The following LMBR1 variants were observed in gnomAD, a reference collection of about 807,000 sequenced individuals.
LMBR1 encodes limb region 1 protein homolog.
A neutral mutation model predicts 73.9 loss-of-function variants in LMBR1; 52 were observed. The observed-to-expected ratio is 0.70, with a 90% CI of 0.56 to 0.89. LMBR1 has a LOEUF of 0.89. Among genes scored for constraint, LMBR1 ranks in the 40% least tolerant of loss-of-function variants. The probability of loss-of-function intolerance (pLI) is 0.00; values close to 1 mark genes in which losing one functional copy is unlikely to be tolerated. For synonymous variants in LMBR1, 215 were observed against 209.4 expected (o/e 1.03, Z -0.23); for missense variants, 539 against 579.8 (o/e 0.93, Z 0.72).
intron 9 of LMBR1, among the ~76,000 whole-genome samples, chr7:156,743,531 G>A (rs538553332): frequency 1.7e-4 from 26 of 152,280 alleles, no homozygotes; most frequent in African/African-American, 6.3e-4. Context: ...TTTTCCAGCA[G>A]CTCAACAGTG....
intron 8 of LMBR1, among the ~76,000 whole-genome samples, chr7:156,758,705 C>G (rs1463822711): frequency 1.3e-5 from 2 of 152,200 alleles, no homozygotes; most frequent in Admixed American, 6.5e-5. Context: ...AAGCACTAGC[C>G]AGAGGCAGGT....
intron 1 of LMBR1, among the ~76,000 whole-genome samples, chr7:156,890,771 T>A (rs1039049764): frequency 2.0e-5 from 3 of 152,144 alleles, no homozygotes; most frequent in Non-Finnish European, 4.4e-5. Flanking sequence ...TACAACCACT[T>A]TGGAAAATTG....
At chr7:156,779,719 G>T in intron 5 of LMBR1, 1 of 1,284,334 alleles carries the variant, frequency 7.8e-7, no homozygotes, top group Non-Finnish European at 1.0e-6. Context: ...GTTTTGCCTG[G>T]ACATCTTGCC....
intron 10 of LMBR1, among the ~76,000 whole-genome samples, chr7:156,732,236 T>C (rs1217117466): frequency 1.3e-5 from 2 of 152,142 alleles, no homozygotes; most frequent in East Asian, 3.9e-4. Flanking sequence ...ACTGGACATC[T>C]GATCGTGGAA....
chr7:156,672,730 T>C (rs1159455044), intron 4 of LMBR1, among the ~76,000 whole-genome samples: 1 of 152,194 alleles, frequency 6.6e-6, no homozygotes, highest in African/African-American at 2.4e-5. Context: ...TGTACATACA[T>C]ATTTATATGT....
At chr7:156,803,185 A>C (rs917498948) in intron 4 of LMBR1, among the ~76,000 whole-genome samples, 2 of 152,216 alleles carry the variant, frequency 1.3e-5, no homozygotes, top group African/African-American at 4.8e-5. Flanking sequence ...TCTGCACAGC[A>C]AAAGAAACCA....
chr7:156,733,144 T>TA (rs1046967416), intron 10 of LMBR1, among the ~76,000 whole-genome samples: 6 of 151,812 alleles, frequency 4.0e-5, no homozygotes, highest in African/African-American at 9.7e-5. Flanking sequence ...GACTCTGTCT[T>TA]AAAAAACAAA....
intron 5 of LMBR1, among the ~76,000 whole-genome samples, chr7:156,783,267 G>C (rs979677595): frequency 1.3e-5 from 2 of 152,040 alleles, no homozygotes; most frequent in Non-Finnish European, 2.9e-5. Flanking sequence ...AAACTCCTGG[G>C]CTCAAGCAAT....
At chr7:156,774,889 T>C (rs563916887) in intron 5 of LMBR1, among the ~76,000 whole-genome samples, 3 of 152,250 alleles carry the variant, frequency 2.0e-5, no homozygotes, top group South Asian at 2.1e-4. Context: ...CTGGAGGCCA[T>C]TGTCCTAAGC....
intron 4 of LMBR1, among the ~76,000 whole-genome samples, chr7:156,809,009 TTAC>T (rs1249347206): frequency 6.6e-6 from 1 of 152,248 alleles, no homozygotes; most frequent in Non-Finnish European, 1.5e-5. Flanking sequence ...TAATACATTG[TTAC>T]TACTTTTTAA....
chr7:156,892,194 T>TA (rs1165991628), intron 1 of LMBR1, among the ~76,000 whole-genome samples: 2 of 152,260 alleles, frequency 1.3e-5, no homozygotes, highest in Non-Finnish European at 2.9e-5. Context: ...GTTGCTTCCA[T>TA]AGCAAAATGG....
rs1430616389 is a variant in LMBR1, at chr7:156,803,150, T to G, written c.320-6658A>C. Among the ~76,000 whole-genome samples the G allele has an allele frequency of 3.3e-5, 5 of 152,008 alleles. No homozygotes were observed. In the East Asian group the frequency reaches 9.6e-4, roughly 29 times the overall value. ...GGCAACAAAAGCCAAAATTGACAAATGGGATCTAATTAAACTCAAGAGCTT... is the reference window on the plus strand; with the variant it reads ...GGCAACAAAAGCCAAAATTGACAAAGGGGATCTAATTAAACTCAAGAGCTT... On this transcript the variant is annotated intron_variant, in intron 4 of 16. Transcript: ENST00000353442.
At chr7:156,720,965 G>A (rs933345078) in intron 15 of LMBR1, among the ~76,000 whole-genome samples, 1 of 151,894 alleles carries the variant, frequency 6.6e-6, no homozygotes, top group Non-Finnish European at 1.5e-5. Flanking sequence ...CTCCAAAAAA[G>A]ACCCGTTATA....
chr7:156,724,381 G>C (rs1036064828), intron 14 of LMBR1, among the ~76,000 whole-genome samples: 1 of 152,104 alleles, frequency 6.6e-6, no homozygotes, highest in Non-Finnish European at 1.5e-5. Flanking sequence ...TCTAGAAGAT[G>C]TTTACAGTAC....
chr7:156,673,107 TC>T (rs1449489808), downstream of LMBR1, among the ~76,000 whole-genome samples: 1 of 152,254 alleles, frequency 6.6e-6, no homozygotes, highest in Non-Finnish European at 1.5e-5. Context: ...ATCATTTCAT[TC>T]AATTGATCAG....
chr7:156,756,428 G>T lies in LMBR1; in HGVS notation c.722C>A (p.Thr241Asn). 6.7e-7 allele frequency: 1 copy of T among 1,503,354 alleles called. No homozygotes were observed. Among genetic ancestry groups the T allele is most frequent in the Non-Finnish European group, 9.2e-7 (1 of 1,088,222 alleles). 93.1% of individuals were successfully genotyped at this position (1,503,354 alleles called of 1,614,324 possible). The change falls in exon 9 of 17, where the codon ACC becomes AAC. Residue 241 changes from threonine to asparagine, a missense_variant. Around this residue, in one of 3 missense-constraint regions of LMBR1, gnomAD observed 454 missense variants for 473.4 expected, o/e 0.96. Coordinates refer to ENST00000353442, the MANE Select transcript of LMBR1 (RefSeq NM_022458.4). ...EDLDEQIYII[T>N]LEEEALQRRL... ...TCTCTGGAGTGCTTCTTCCTCTAAG[G>T]TAATGATATAAATTTGTTCATCCAG...
intron 15 of LMBR1, among the ~76,000 whole-genome samples, chr7:156,690,740 T>C (rs1807005106): frequency 6.6e-6 from 1 of 152,082 alleles, no homozygotes; most frequent in South Asian, 2.1e-4. Context: ...TAAAAACTAG[T>C]TCCAAGACAT....
chr7:156,849,402 G>A (rs76095703), intron 1 of LMBR1, among the ~76,000 whole-genome samples: 3 of 152,086 alleles, frequency 2.0e-5, no homozygotes, highest in East Asian at 1.9e-4. Flanking sequence ...CAGGTACTAC[G>A]TTTCTTATCT....
At chr7:156,776,849 A>T (rs1826227838) in intron 5 of LMBR1, among the ~76,000 whole-genome samples, 1 of 152,170 alleles carries the variant, frequency 6.6e-6, no homozygotes, top group Non-Finnish European at 1.5e-5. Flanking sequence ...AAGTTTTACT[A>T]CGACATTCCA....
Sources: allele counts gnomAD v4.1 joint callset (sites outside exome capture counted in the v4.1 genomes callset), GRCh38; gene constraint gnomAD v4.1.1; regional missense constraint gnomAD v4.1.1; transcripts MANE v1.5; gene names NCBI Gene and HGNC (gene_info 2026-07-23, HGNC 2026-07-21).